PSTPIP1: variants seen among roughly 807,000 people sequenced by gnomAD.
The protein encoded by PSTPIP1 is proline-serine-threonine phosphatase-interacting protein 1.
Under a neutral mutation model 69.6 loss-of-function variants are expected in PSTPIP1, and 66 were observed. The ratio of observed to expected loss-of-function variants is 0.95; its 90% CI spans 0.78 to 1.16. PSTPIP1 has a LOEUF of 1.16. Ranked by LOEUF, PSTPIP1 falls within the 50% of genes most tolerant of loss-of-function variation. The probability of loss-of-function intolerance (pLI) is 0.00; values close to 1 mark genes in which losing one functional copy is unlikely to be tolerated. For missense variants in PSTPIP1, 603 were observed against 557.4 expected, an observed-to-expected ratio of 1.08 and a Z score of -0.82; for synonymous variants, 266 against 222.7, an observed-to-expected ratio of 1.19 and a Z score of -1.73.
intron 1 of PSTPIP1, chr15:77,015,964 C>T (rs1051830642): frequency 1.1e-5 from 5 of 456,134 alleles, no homozygotes; most frequent in Admixed American, 2.4e-5. Context: ...CAGGGCCTCT[C>T]GCTGCTTTCT....
chr15:77,000,329 C>G (rs1596040227), intron 1 of PSTPIP1, among the ~76,000 whole-genome samples: 1 of 152,190 alleles, frequency 6.6e-6, no homozygotes, highest in African/African-American at 2.4e-5. Context: ...GAGAAGGGGA[C>G]TGAGGGGCCC....
chr15:77,010,529 T>G (rs2075913150), intron 1 of PSTPIP1, among the ~76,000 whole-genome samples: 1 of 152,226 alleles, frequency 6.6e-6, no homozygotes, highest in Admixed American at 6.5e-5. Flanking sequence ...TGAAGCAGGT[T>G]GCACAGGAAC....
At position 77,028,577 on chromosome 15, in the gene PSTPIP1, G is replaced by A; in HGVS notation, c.441G>A (p.Lys147=). Residue 147 remains lysine, a synonymous_variant, in exon 7 of 15, where the codon AAG becomes AAA. Transcript: ENST00000558012. ...AGTCCAAGAAGACATACGAGCAGAAGTGCCGGGACGCGGACGACGCGGAGC... is the reference window on the plus strand; with the variant it reads ...AGTCCAAGAAGACATACGAGCAGAAATGCCGGGACGCGGACGACGCGGAGC... ...AMESKKTYEQ[K]CRDADDAEQA... is the part of the protein sequence containing the mutation. 1 of 1,602,994 alleles carries A rather than the reference G, an allele frequency of 6.2e-7. No homozygotes were observed. The highest frequency in any genetic ancestry group is 8.5e-7 in the Non-Finnish European group (1 of 1,175,528).
At chr15:76,995,769 C>A (rs1208244337) in intron 1 of PSTPIP1, among the ~76,000 whole-genome samples, 160 bp downstream of exon 1, 1 of 152,220 alleles carries the variant, frequency 6.6e-6, no homozygotes, top group Non-Finnish European at 1.5e-5. Context: ...CAGGCCCCCA[C>A]CCCTTCTGGA....
At position 77,027,678 on chromosome 15, in the gene PSTPIP1, C is replaced by T. The variant is rs2076311556; in HGVS notation, c.355-174C>T. On this transcript the variant is annotated intron_variant, in intron 5 of 14. Transcript: ENST00000558012. This position sits in a 1 kb window ranked among gnomAD's most constrained non-coding sequence, Gnocchi z 4.3. ...TGCCCTGTGATTCTCTGTGGCCTTCCATTGTGAGGGTCACTGTGAAGCAGC... is the reference window on the plus strand; with the variant it reads ...TGCCCTGTGATTCTCTGTGGCCTTCTATTGTGAGGGTCACTGTGAAGCAGC... 6.8e-6 allele frequency: 5 copies of T among 732,140 alleles called. No homozygotes were observed. Among genetic ancestry groups the T allele is most frequent in the South Asian group, 4.5e-5 (3 of 67,268 alleles). The allele number at this position is 732,140 out of a possible 1,614,324, so 45.4% of individuals were successfully genotyped here. A position where few individuals can be genotyped will look rare whatever the true frequency, so the allele number is the denominator to read the frequency against.
chr15:77,028,721 G>GTCTACGGCACC, intron 7 of PSTPIP1, 69 bp downstream of exon 7: 5 of 1,301,614 alleles, frequency 3.8e-6, no homozygotes, highest in Non-Finnish European at 4.2e-6. Context: ...AGGAAGGGGT[G>GTCTACGGCACC]CCGTAGACAC....
At chr15:77,019,678 C>T (rs758981982) in intron 3 of PSTPIP1, among the ~76,000 whole-genome samples, 7 of 152,236 alleles carry the variant, frequency 4.6e-5, no homozygotes, top group African/African-American at 1.2e-4. Flanking sequence ...TTGTTTCTCA[C>T]CTCCCACTCC....
chr15:77,025,453 C>T (rs2076257925), intron 4 of PSTPIP1, 45 bp from the exon 5 acceptor site: 1 of 1,585,486 alleles, frequency 6.3e-7, no homozygotes, highest in Non-Finnish European at 8.6e-7. Flanking sequence ...GGCTGAGGCC[C>T]ATCAGATCTG....
intron 6 of PSTPIP1, 97 bp from the exon 7 acceptor site, chr15:77,028,457 C>A: frequency 9.1e-7 from 1 of 1,101,760 alleles, no homozygotes; most frequent in Non-Finnish European, 1.3e-6. Flanking sequence ...GCAACCCTCG[C>A]CAGGGAAAAA....
Position 77,032,391 on chromosome 15 carries a change from C to T in PSTPIP1, c.835C>T (p.Pro279Ser). ...IQAKSTGTEP[P>S]APVPYQNYYD... ...GGCCAAGAGCACGGGCACAGAGCCC[C>T]CCGGTGAGGTCCGGCTTGCGGACAG... Residue 279 changes from proline (P) to serine (S), a missense_variant, in exon 11 of 15, where the codon CCC (proline) becomes TCC (serine). By Grantham distance (74) the Pro-to-Ser change is moderately conservative (BLOSUM62 -1). Coordinates refer to ENST00000558012, the MANE Select transcript of PSTPIP1 (RefSeq NM_003978.5). 6.2e-7 allele frequency: 1 copy of T among 1,612,660 alleles called. No homozygotes were observed. Among genetic ancestry groups the T allele is most frequent in the Non-Finnish European group, 8.5e-7 (1 of 1,179,792 alleles).
At chr15:77,026,081 C>A (rs1281365598) in intron 5 of PSTPIP1, 1 of 456,580 alleles carries the variant, frequency 2.2e-6, no homozygotes, top group Admixed American at 2.3e-5. Context: ...TATGGCATTG[C>A]TTAGCATCCA....
At chr15:77,032,718 T>C in intron 11 of PSTPIP1, 144 bp from the exon 12 acceptor site, 1 of 684,348 alleles carries the variant, frequency 1.5e-6, no homozygotes. Flanking sequence ...TACGGTGGGG[T>C]CTCTCATGGG....
chr15:76,998,646 C>G (rs909398490), intron 1 of PSTPIP1, among the ~76,000 whole-genome samples: 1 of 152,156 alleles, frequency 6.6e-6, no homozygotes, highest in Non-Finnish European at 1.5e-5. Flanking sequence ...TCACAGGCAG[C>G]TAGCAGCCTG....
intron 1 of PSTPIP1, among the ~76,000 whole-genome samples, chr15:77,005,629 C>G (rs2075800092): frequency 6.6e-6 from 1 of 152,208 alleles, no homozygotes; most frequent in African/African-American, 2.4e-5. Flanking sequence ...TTGTACCCAT[C>G]AAACAATAAC....
chr15:77,037,369 C>A lies in PSTPIP1; in HGVS notation c.*193C>A, dbSNP rs905734409. 4.4e-6 allele frequency: 3 copies of A among 678,074 alleles called. No individual in the cohort carries two copies. The highest frequency in any genetic ancestry group is 6.8e-5 in the East Asian group (2 of 29,524). The allele number at this position is 678,074 out of a possible 1,614,324, so 42.0% of individuals were successfully genotyped here. A position where few individuals can be genotyped will look rare whatever the true frequency, so the allele number is the denominator to read the frequency against. On this transcript the variant is annotated 3_prime_UTR_variant, in exon 15 of 15. Coordinates refer to ENST00000558012, the MANE Select transcript of PSTPIP1 (RefSeq NM_003978.5). ...GGGGTCCCGTTCTCTTTTTCTCCTG[C>A]TCCAGTGTCCGAGTGCTCAGTTCAG...
chr15:77,019,011 C>T (rs2152679435), intron 3 of PSTPIP1, among the ~76,000 whole-genome samples: 1 of 152,348 alleles, frequency 6.6e-6, no homozygotes, highest in African/African-American at 2.4e-5. Flanking sequence ...CACTCTGTGG[C>T]TCCGTTTCCT....
Position 77,035,878 on chromosome 15 carries a change from G to T in PSTPIP1, c.1062G>T (p.Gln354His). The T allele has an allele frequency of 6.2e-7, 1 of 1,610,494 alleles. No homozygotes were observed. Among genetic ancestry groups the T allele is most frequent in the East Asian group, 2.2e-5 (1 of 44,852 alleles). Residue 354 changes from glutamine to histidine, a missense_variant, in exon 14 of 15, where the codon CAG becomes CAT. Transcript: ENST00000558012. The part of the protein sequence containing the change: ...VYTAIAVQEI[Q>H]GNPASPAQEY... ...CAGCCATCGCAGTGCAGGAGATACA[G>T]GGAAACCCGGCCTCACCAGCCCAGG...
At chr15:77,028,437 C>A in intron 6 of PSTPIP1, 117 bp from the exon 7 acceptor site, 1 of 800,770 alleles carries the variant, frequency 1.2e-6, no homozygotes, top group Non-Finnish European at 1.9e-6. Context: ...AGGATGCCCC[C>A]ACTCCACCCG....
chr15:77,017,607 T>C (rs1282149555), intron 1 of PSTPIP1, among the ~76,000 whole-genome samples: 1 of 151,958 alleles, frequency 6.6e-6, no homozygotes, highest in East Asian at 1.9e-4. Context: ...CCGCAATTGC[T>C]GTGATGGTCA....
Sources: gnomAD v4.1 joint callset for allele counts (sites outside exome capture counted in the v4.1 genomes callset) on GRCh38, gnomAD v4.1.1 for gene constraint, Gnocchi (gnomAD v3.1) non-coding constraint, MANE v1.5 for transcripts, NCBI Gene and HGNC (gene_info 2026-07-23, HGNC 2026-07-21) for gene names.